CEP131: variants seen among roughly 807,000 people sequenced by gnomAD.
CEP131 encodes centrosomal protein of 131 kDa.
A neutral mutation model predicts 136.8 loss-of-function variants in CEP131; 99 were observed. That is an observed-to-expected ratio of 0.72 (90% CI 0.62 to 0.86). The LOEUF (loss-of-function observed/expected upper bound fraction) is 0.86. Among genes scored for constraint, CEP131 ranks in the 40% least tolerant of loss-of-function variants. The pLI is 0.00. For missense variants in CEP131, 1,459 were observed against 1,463.0 expected (o/e 1.00, Z 0.04); for synonymous variants, 646 against 612.7 (o/e 1.05, Z -0.80).
chr17:81,202,575 A>T (rs543508784), intron 6 of CEP131, among the ~76,000 whole-genome samples, 177 bp from the exon 7 acceptor site: 22 of 152,332 alleles, frequency 1.4e-4, no homozygotes, highest in Middle Eastern at 3.4e-3. Context: ...CCCGTGCCAC[A>T]TCCTGGCCTC....
At chr17:81,217,703 C>G (rs562863521) in intron 2 of CEP131, among the ~76,000 whole-genome samples, 1 of 152,294 alleles carries the variant, frequency 6.6e-6, no homozygotes, top group South Asian at 2.1e-4. Flanking sequence ...TTGAAGTGAA[C>G]AGCTGGAACA....
intron 2 of CEP131, among the ~76,000 whole-genome samples, chr17:81,217,397 C>T (rs1264029127): frequency 6.6e-6 from 1 of 151,832 alleles, no homozygotes; most frequent in African/African-American, 2.4e-5. Context: ...GGGACAGCAC[C>T]CCACCCCACC....
Position 81,196,776 on chromosome 17 carries a change from C to T in CEP131, c.1824G>A (p.Ala608=), listed in dbSNP as rs1542961. The stretch of plus-strand genomic sequence containing the variant: ...TCTGCCGCTGCAGCTGCCGGCTCAG[C>T]GCCTTCTCTGTCTCCTTGACCCGCC... ...TARRVKETEK[A]LSRQLQRQRE... Residue 608 remains alanine (A), a synonymous_variant, in exon 15 of 26, where the codon GCG becomes GCA. Coordinates refer to ENST00000450824, the MANE Select transcript of CEP131 (RefSeq NM_014984.4). 0.37 allele frequency: 584,545 copies of T among 1,586,890 alleles called. 114,946 individuals are homozygous for T. The highest frequency in any genetic ancestry group is 0.41 in the Non-Finnish European group (479,362 of 1,167,502).
At chr17:81,192,629 T>G in intron 19 of CEP131, 36 bp from the exon 20 acceptor site, 1 of 1,530,840 alleles carries the variant, frequency 6.5e-7, no homozygotes, top group Non-Finnish European at 8.8e-7. Context: ...TGAGGGGTCA[T>G]CGAGTAAGGA....
Position 81,200,312 on chromosome 17 carries a change from G to A in CEP131, c.906+17C>T, listed in dbSNP as rs2061861976. The stretch of plus-strand genomic sequence containing the variant: ...CCCCCCGGGGGAGCATGGAGTGACT[G>A]AGACGCCCACACTGACCTCCCGCTT... On this transcript the variant is annotated intron_variant, in intron 8 of 25. Coordinates refer to ENST00000450824, the MANE Select transcript of CEP131 (RefSeq NM_014984.4). 1 of 1,590,690 alleles carries A rather than the reference G, an allele frequency of 6.3e-7. No homozygotes were observed. Among genetic ancestry groups the A allele is most frequent in the Non-Finnish European group, 8.6e-7 (1 of 1,165,834 alleles).
Position 81,203,591 on chromosome 17 carries a change from C to G in CEP131, c.532G>C (p.Val178Leu). Residue 178 changes from valine to leucine, a missense_variant, in exon 6 of 26, where the codon GTG (valine) becomes CTG (leucine). This residue lies in a region of CEP131 where 246 missense variants were observed against 318.9 expected (regional missense o/e 0.77). Coordinates refer to ENST00000450824, the MANE Select transcript of CEP131 (RefSeq NM_014984.4). The surrounding 1 kb of genome is among the most constrained non-coding windows in gnomAD (Gnocchi z 4.6). ...ACCATGGTGGTGACGCAGTTGCCCA[C>G]TGCTCCCTTGTTGCTCCTGCCAGGC... is the stretch of plus-strand genomic sequence containing the variant. Reference protein sequence around the residue: ...TANNRSNKGAVGNCVTTMVHN... With the variant: ...TANNRSNKGALGNCVTTMVHN... The G allele has an allele frequency of 6.3e-7, 1 of 1,599,392 alleles. No individual in the cohort carries two copies. Among genetic ancestry groups the G allele is most frequent in the East Asian group, 2.3e-5 (1 of 44,368 alleles).
chr17:81,221,208 G>A (rs763934335), intron 1 of CEP131, among the ~76,000 whole-genome samples: 53 of 150,772 alleles, frequency 3.5e-4, no homozygotes, highest in Non-Finnish European at 3.0e-4. Context: ...AGGCTGCACC[G>A]GGCAAACACT....
chr17:81,196,655 G>C (rs750476554), intron 15 of CEP131, 46 bp downstream of exon 15: 1 of 1,573,918 alleles, frequency 6.4e-7, no homozygotes, highest in East Asian at 2.3e-5. Flanking sequence ...AAGTCTCCAT[G>C]AGCCACGCGC....
chr17:81,221,513 C>A (rs969929463), intron 1 of CEP131, among the ~76,000 whole-genome samples: 2 of 152,220 alleles, frequency 1.3e-5, no homozygotes, highest in Non-Finnish European at 2.9e-5. Flanking sequence ...TGTGACCTCG[C>A]CAGCTCCCCT....
intron 11 of CEP131, 136 bp downstream of exon 11, chr17:81,198,741 G>A: frequency 1.2e-6 from 1 of 819,056 alleles, no homozygotes; most frequent in East Asian, 2.7e-5. Flanking sequence ...GACACCTCCT[G>A]GGTGGCCTCT....
At chr17:81,202,197 G>C in intron 7 of CEP131, 43 bp downstream of exon 7, 1 of 1,444,584 alleles carries the variant, frequency 6.9e-7, no homozygotes, top group Non-Finnish European at 9.3e-7. Context: ...CCACCTCTGT[G>C]TTCTAGGCTC....
chr17:81,203,402 G>T lies in CEP131; in HGVS notation c.629+92C>A. Reference sequence around the variant, plus strand: ...AGAACCCTGTGTGAACTGACCGCGTGCCCTGACCGAGGTCGGACCCCAGGT... The same window carrying T: ...AGAACCCTGTGTGAACTGACCGCGTTCCCTGACCGAGGTCGGACCCCAGGT... On this transcript the variant is annotated intron_variant, in intron 6 of 25. Coordinates refer to ENST00000450824, the MANE Select transcript of CEP131 (RefSeq NM_014984.4). This position sits in a 1 kb window ranked among gnomAD's most constrained non-coding sequence, Gnocchi z 4.6. 3.0e-6 allele frequency: 3 copies of T among 1,010,496 alleles called. No individual in the cohort carries two copies. The highest frequency in any genetic ancestry group is 4.4e-6 in the Non-Finnish European group (3 of 677,698). 62.6% of individuals were successfully genotyped at this position (1,010,496 alleles called of 1,614,324 possible). A position where few individuals can be genotyped will look rare whatever the true frequency, so the allele number is the denominator to read the frequency against.
intron 1 of CEP131, among the ~76,000 whole-genome samples, chr17:81,221,909 G>C (rs924194757): frequency 5.3e-5 from 8 of 152,168 alleles, no homozygotes; most frequent in Admixed American, 4.6e-4. Context: ...GCTTCCTTCA[G>C]CCCGGCACCC....
chr17:81,192,969 C>G (rs1598268334), intron 18 of CEP131, 126 bp from the exon 19 acceptor site: 2 of 1,425,874 alleles, frequency 1.4e-6, no homozygotes, highest in East Asian at 5.1e-5. Context: ...GGGGCCCTGC[C>G]CCTCCCCCTC....
At chr17:81,210,438 C>A (rs1307667650) in intron 2 of CEP131, among the ~76,000 whole-genome samples, 1 of 152,054 alleles carries the variant, frequency 6.6e-6, no homozygotes, top group African/African-American at 2.4e-5. Context: ...GGCATAGTGG[C>A]GGGTGCCTGT....
chr17:81,200,873 C>T (rs1191582877), intron 7 of CEP131, among the ~76,000 whole-genome samples: 1 of 152,122 alleles, frequency 6.6e-6, no homozygotes, highest in East Asian at 1.9e-4. Flanking sequence ...TCGGAACAGG[C>T]AGGGCTATGA....
At chr17:81,216,762 A>G (rs2659029) in intron 2 of CEP131, among the ~76,000 whole-genome samples, 133,304 of 152,244 alleles carry the variant, frequency 0.88, 58,940 homozygotes, top group Non-Finnish European at 0.94. Context: ...TTCAAAACAC[A>G]TGGTAGGAAT....
At chr17:81,222,404 G>A (rs1479945357) in intron 1 of CEP131, among the ~76,000 whole-genome samples, 2 of 152,184 alleles carry the variant, frequency 1.3e-5, no homozygotes, top group Admixed American at 1.3e-4. Context: ...ATTTTCCCCA[G>A]GGCTTAAGGC....
chr17:81,217,777 A>G (rs2062282916), intron 2 of CEP131, among the ~76,000 whole-genome samples: 1 of 152,158 alleles, frequency 6.6e-6, no homozygotes, highest in Non-Finnish European at 1.5e-5. Flanking sequence ...CAATGGTACC[A>G]GCCGAGGAAA....
Sources: gnomAD v4.1 joint callset for allele counts (sites outside exome capture counted in the v4.1 genomes callset) on GRCh38, gnomAD v4.1.1 for gene constraint, gnomAD v4.1.1 regional missense constraint, Gnocchi (gnomAD v3.1) non-coding constraint, MANE v1.5 for transcripts, NCBI Gene and HGNC (gene_info 2026-07-23, HGNC 2026-07-21) for gene names.